UBN2: variants seen among roughly 807,000 people sequenced by gnomAD.
The protein encoded by UBN2 is ubinuclein 2, also known as ubinuclein-2.
A neutral mutation model predicts 120.2 loss-of-function variants in UBN2; 35 were observed. The observed-to-expected ratio is 0.29, with a 90% CI of 0.22 to 0.39. The LOEUF (loss-of-function observed/expected upper bound fraction) is 0.39, where lower values mean the gene tolerates loss of function less well. UBN2 is among the 10% of genes least tolerant of loss of function. The pLI is 1.00. For missense variants in UBN2, 1,693 were observed against 1,663.2 expected (o/e 1.02, Z -0.31); for synonymous variants, 661 against 648.7 (o/e 1.02, Z -0.29).
chr7:139,235,795 CT>C (rs753255135), intron 1 of UBN2, among the ~76,000 whole-genome samples: 6 of 152,178 alleles, frequency 3.9e-5, no homozygotes, highest in Non-Finnish European at 7.3e-5. Context: ...AAGTTAACTC[CT>C]TTAAAGAAGT....
chr7:139,233,018 A>G (rs895895191), intron 1 of UBN2, among the ~76,000 whole-genome samples: 1 of 152,210 alleles, frequency 6.6e-6, no homozygotes, highest in Admixed American at 6.5e-5. Flanking sequence ...GCTTGAGTCT[A>G]ATGGACTCCA....
chr7:139,317,734 C>G, the UBN2 span, among the ~76,000 whole-genome samples: 1 of 152,012 alleles, frequency 6.6e-6, no homozygotes, highest in Non-Finnish European at 1.5e-5. Flanking sequence ...ACAGTCTTGG[C>G]TCACTGCAAC....
intron 2 of UBN2, among the ~76,000 whole-genome samples, chr7:139,241,003 G>T (rs1036318869): frequency 6.6e-6 from 1 of 152,186 alleles, no homozygotes; most frequent in Non-Finnish European, 1.5e-5. Flanking sequence ...AGGCTCCCAT[G>T]CCTCTCTTTA....
chr7:139,319,163 C>T, the UBN2 span, among the ~76,000 whole-genome samples: 1 of 152,274 alleles, frequency 6.6e-6, no homozygotes, highest in Admixed American at 6.5e-5. Context: ...CTCACTGAAA[C>T]CTCTTGCCTC....
intron 7 of UBN2, 138 bp from the exon 8 acceptor site, chr7:139,269,256 A>AT (rs1161426882): frequency 8.6e-6 from 7 of 817,690 alleles, no homozygotes; most frequent in South Asian, 8.1e-5. Context: ...GTTTTTTTTT[A>AT]TTTTTTCCAT....
chr7:139,280,989 A>G (rs1797591412), intron 13 of UBN2, among the ~76,000 whole-genome samples: 2 of 152,198 alleles, frequency 1.3e-5, no homozygotes, highest in Non-Finnish European at 2.9e-5. Context: ...TCTGATCCAA[A>G]TAATATTGAG....
At chr7:139,318,683 C>G in the UBN2 span, among the ~76,000 whole-genome samples, 23 of 152,002 alleles carry the variant, frequency 1.5e-4, no homozygotes, top group Non-Finnish European at 3.1e-4. Flanking sequence ...AATTTGAGGC[C>G]TGGATTTAAA....
chr7:139,315,009 T>C, the UBN2 span, among the ~76,000 whole-genome samples: 1 of 151,802 alleles, frequency 6.6e-6, no homozygotes, highest in African/African-American at 2.4e-5. Context: ...GGAATCTCGC[T>C]CTGTCGCCCA....
Position 139,284,325 on chromosome 7 carries a change from A to G in UBN2, c.3420A>G (p.Thr1140=). ...GTCGCACTTCAGGCCTTCCACCTACAAAAAATCTTCAGGCCCCCTCAAAGC... is the reference window on the plus strand; with the variant it reads ...GTCGCACTTCAGGCCTTCCACCTACGAAAAATCTTCAGGCCCCCTCAAAGC... ...PSSRTSGLPP[T]KNLQAPSKLT... Residue 1140 remains threonine, a synonymous_variant, in exon 15 of 18, where the codon ACA becomes ACG. Coordinates refer to ENST00000473989, the MANE Select transcript of UBN2 (RefSeq NM_173569.4). 6.2e-7 allele frequency: 1 copy of G among 1,614,136 alleles called. No homozygotes were observed. Among genetic ancestry groups the G allele is most frequent in the Non-Finnish European group, 8.5e-7 (1 of 1,180,022 alleles).
the UBN2 span, among the ~76,000 whole-genome samples, chr7:139,326,300 A>G: frequency 6.6e-6 from 1 of 152,176 alleles, no homozygotes; most frequent in South Asian, 2.1e-4. Context: ...AAAAATGGGC[A>G]TTGCCCCATT....
chr7:139,294,036 G>A (rs1297158806), intron 17 of UBN2, 55 bp downstream of exon 17: 8 of 1,545,836 alleles, frequency 5.2e-6, no homozygotes, highest in Non-Finnish European at 7.1e-6. Context: ...TATAGATATG[G>A]ATTATACTTT....
intron 2 of UBN2, among the ~76,000 whole-genome samples, chr7:139,245,682 T>C (rs1020313342): frequency 6.6e-6 from 1 of 152,168 alleles, no homozygotes; most frequent in Non-Finnish European, 1.5e-5. Context: ...ACAAAAAATA[T>C]GTTAGGAGAT....
At position 139,299,661 on chromosome 7, in the gene UBN2, T is replaced by C. The variant is rs929159250; in HGVS notation, c.*1825T>C. On this transcript the variant is annotated 3_prime_UTR_variant, in exon 18 of 18. Coordinates refer to ENST00000473989, the MANE Select transcript of UBN2 (RefSeq NM_173569.4). ...TTTATCAATAAAACAAATATGGATG[T>C]AGTATGAACCCCAGTAGATATTTTG... is the stretch of plus-strand genomic sequence containing the variant. 1 of 152,186 alleles carries C rather than the reference T, an allele frequency of 6.6e-6. No individual in the cohort carries two copies. Among genetic ancestry groups the C allele is most frequent in the African/African-American group, 2.4e-5 (1 of 41,452 alleles). 9.4% of individuals were successfully genotyped at this position (152,186 alleles called of 1,614,324 possible). A position where few individuals can be genotyped will look rare whatever the true frequency, so the allele number is the denominator to read the frequency against.
chr7:139,274,106 A>AT (rs1008557903), intron 11 of UBN2, 32 bp downstream of exon 11: 5 of 1,552,808 alleles, frequency 3.2e-6, no homozygotes, highest in East Asian at 2.3e-5. Flanking sequence ...ATTTTATTTT[A>AT]TTTTATTATT....
chr7:139,243,494 T>G (rs1168058920), intron 2 of UBN2, among the ~76,000 whole-genome samples: 1 of 152,238 alleles, frequency 6.6e-6, no homozygotes, highest in Admixed American at 6.5e-5. Flanking sequence ...CCTTTGCCAA[T>G]GTAACTTGAG....
intron 8 of UBN2, 41 bp downstream of exon 8, chr7:139,269,564 A>G: frequency 1.2e-6 from 2 of 1,606,264 alleles, no homozygotes; most frequent in Non-Finnish European, 1.7e-6. Context: ...TGGGTTTCAT[A>G]ACCTGTAAAG....
chr7:139,255,501 C>A (rs1004269774), intron 3 of UBN2, among the ~76,000 whole-genome samples: 27 of 152,052 alleles, frequency 1.8e-4, no homozygotes, highest in African/African-American at 6.3e-4. Context: ...TTTGTAGATA[C>A]GAATTGCTTA....
At position 139,296,045 on chromosome 7, in the gene UBN2, C is replaced by T. The variant is rs34654004; in HGVS notation, c.3995-1742C>T. Among the ~76,000 whole-genome samples, 558 of 152,242 alleles carry T rather than the reference C, an allele frequency of 3.7e-3. 1 individual carries two copies. The highest frequency in any genetic ancestry group is 0.014 in the Middle Eastern group (4 of 294). Reference sequence around the variant, plus strand: ...GCCAGTTTGAGTAGGCTTGTTTGACCATCACTTTCTCTTGCTTGTAAACTG... The same window carrying T: ...GCCAGTTTGAGTAGGCTTGTTTGACTATCACTTTCTCTTGCTTGTAAACTG... On this transcript the variant is annotated intron_variant, in intron 17 of 17. Transcript: ENST00000473989.
Position 139,231,925 on chromosome 7 carries a change from G to T in UBN2, c.441G>T (p.Pro147=), listed in dbSNP as rs1462860714. The change falls in exon 1 of 18, where the codon CCG becomes CCT. Residue 147 remains proline, a synonymous_variant. Transcript: ENST00000473989. Reference sequence around the variant, plus strand: ...AGAGCTGCGTGGAGTTCAGTTACCCGGAGCTGCTGCTGTGCGGAGAACAAC... The same window carrying T: ...AGAGCTGCGTGGAGTTCAGTTACCCTGAGCTGCTGCTGTGCGGAGAACAAC... The part of the protein sequence containing the change: ...TDESCVEFSY[P]ELLLCGEQRK... 1 of 1,585,528 alleles carries T rather than the reference G, an allele frequency of 6.3e-7. No homozygotes were observed. The highest frequency in any genetic ancestry group is 1.1e-5 in the South Asian group (1 of 90,754).
Sources: allele counts gnomAD v4.1 joint callset (sites outside exome capture counted in the v4.1 genomes callset), GRCh38; gene constraint gnomAD v4.1.1; transcripts MANE v1.5; gene names NCBI Gene and HGNC (gene_info 2026-07-23, HGNC 2026-07-21).